SEMA3A: variants seen among roughly 807,000 people sequenced by gnomAD.
SEMA3A encodes the protein semaphorin-3A.
A neutral mutation model predicts 97.9 loss-of-function variants in SEMA3A; 29 were observed. The ratio of observed to expected loss-of-function variants is 0.30; its 90% CI spans 0.22 to 0.40. SEMA3A has a LOEUF of 0.40. Among genes scored for constraint, SEMA3A ranks in the 10% least tolerant of loss-of-function variants. The pLI is 1.00. For synonymous variants in SEMA3A, 321 were observed against 323.7 expected, an observed-to-expected ratio of 0.99 and a Z score of 0.09; for missense variants, 763 against 951.3, an observed-to-expected ratio of 0.80 and a Z score of 2.60.
In SEMA3A at chr7:84,079,931, T is replaced by C. The variant is rs1328923545; in HGVS notation, c.454-19373A>G. ...ATGTTTATTGGGGCACTATTCACAA[T>C]AGCAAAGACTTGGAACCAACCCAAA... On this transcript the variant is annotated intron_variant, in intron 4 of 16. Coordinates refer to ENST00000265362, the MANE Select transcript of SEMA3A (RefSeq NM_006080.3). 2.0e-5 allele frequency among the ~76,000 whole-genome samples: 3 copies of C among 147,462 alleles called. No homozygotes were observed. The East Asian group carries it at 5.9e-4, about 29-fold the overall frequency.
At chr7:84,135,043 G>A (rs1038363544) in intron 1 of SEMA3A, 92 bp from the exon 2 acceptor site, 1 of 924,450 alleles carries the variant, frequency 1.1e-6, no homozygotes, top group Non-Finnish European at 1.6e-6. Flanking sequence ...TATATTGACT[G>A]CTGTAGTTAT....
intron 3 of SEMA3A, among the ~76,000 whole-genome samples, chr7:84,266,458 T>A (rs1264450453): frequency 6.6e-6 from 1 of 151,570 alleles, no homozygotes; most frequent in Non-Finnish European, 1.5e-5. Context: ...TTTTTGTGGG[T>A]CTCTAACTAT....
intron 3 of SEMA3A, among the ~76,000 whole-genome samples, chr7:84,287,817 G>A (rs1290720583): frequency 1.3e-5 from 2 of 151,908 alleles, no homozygotes; most frequent in African/African-American, 2.4e-5. Flanking sequence ...GTACTTTTGT[G>A]GTTTGCATTA....
At chr7:84,051,431 T>A (rs1792647746) in intron 5 of SEMA3A, among the ~76,000 whole-genome samples, 1 of 152,220 alleles carries the variant, frequency 6.6e-6, no homozygotes, top group East Asian at 1.9e-4. Flanking sequence ...TTCACATCCC[T>A]TGTAAGTTGG....
At chr7:84,429,711 A>G (rs1415972336) in intron 1 of SEMA3A, among the ~76,000 whole-genome samples, 2 of 150,904 alleles carry the variant, frequency 1.3e-5, no homozygotes, top group Non-Finnish European at 3.0e-5. Flanking sequence ...GATAGAGGGC[A>G]GATCTCTTAT....
At chr7:84,377,914 T>A (rs771287849) in intron 1 of SEMA3A, among the ~76,000 whole-genome samples, 2 of 152,136 alleles carry the variant, frequency 1.3e-5, no homozygotes, top group Non-Finnish European at 2.9e-5. Context: ...CAGTTACTGC[T>A]GATCAAAATC....
chr7:83,990,375 A>C (rs58500640), intron 12 of SEMA3A, among the ~76,000 whole-genome samples: 15 of 151,498 alleles, frequency 9.9e-5, no homozygotes, highest in African/African-American at 2.9e-4. Flanking sequence ...TTGGTGTTTT[A>C]GACATGAAGT....
intron 3 of SEMA3A, among the ~76,000 whole-genome samples, chr7:84,218,981 A>G (rs1268373654): frequency 6.6e-6 from 1 of 152,162 alleles, no homozygotes; most frequent in Non-Finnish European, 1.5e-5. Flanking sequence ...TACAAAGGAA[A>G]TATTTCAAAA....
At chr7:84,205,244 CACTCTTT>C (rs1798461499) in intron 3 of SEMA3A, among the ~76,000 whole-genome samples, 1 of 152,174 alleles carries the variant, frequency 6.6e-6, no homozygotes, top group Non-Finnish European at 1.5e-5. Context: ...AGGTCAATAG[CACTCTTT>C]ACTATTTTAA....
At chr7:84,466,980 T>C (rs941694576) in intron 1 of SEMA3A, among the ~76,000 whole-genome samples, 3 of 152,200 alleles carry the variant, frequency 2.0e-5, no homozygotes, top group Non-Finnish European at 2.9e-5. Context: ...ACTGGATTAT[T>C]AGTGTTCAGA....
At chr7:84,434,067 T>C (rs1290089085) in intron 1 of SEMA3A, among the ~76,000 whole-genome samples, 1 of 152,190 alleles carries the variant, frequency 6.6e-6, no homozygotes, top group Non-Finnish European at 1.5e-5. Flanking sequence ...GCAGAAGATC[T>C]TTAGTTTAAT....
At chr7:84,265,730 T>C (rs1021576766) in intron 3 of SEMA3A, among the ~76,000 whole-genome samples, 1 of 151,912 alleles carries the variant, frequency 6.6e-6, no homozygotes, top group Non-Finnish European at 1.5e-5. Flanking sequence ...CCCAGCCTAG[T>C]AGACTAATCT....
At chr7:84,476,681 C>T (rs1035822577) in intron 1 of SEMA3A, among the ~76,000 whole-genome samples, 53 of 152,058 alleles carry the variant, frequency 3.5e-4, no homozygotes, top group African/African-American at 8.9e-4. Flanking sequence ...ATAATTAAAA[C>T]GGATAAATTA....
chr7:83,977,763 T>G (rs1274501925), intron 14 of SEMA3A, among the ~76,000 whole-genome samples: 1 of 151,646 alleles, frequency 6.6e-6, no homozygotes, highest in African/African-American at 2.4e-5. Context: ...AAAATTTCTT[T>G]TCTTGGTTAT....
At chr7:84,312,999 G>A (rs1370361852) in intron 2 of SEMA3A, among the ~76,000 whole-genome samples, 2 of 128,558 alleles carry the variant, frequency 1.6e-5, no homozygotes, top group Non-Finnish European at 3.2e-5. Context: ...TGTGTATATA[G>A]ATGTGTATGT....
At chr7:84,280,476 T>A (rs1355959224) in intron 3 of SEMA3A, among the ~76,000 whole-genome samples, 1 of 152,106 alleles carries the variant, frequency 6.6e-6, no homozygotes, top group Non-Finnish European at 1.5e-5. Context: ...ATTACATCTC[T>A]TTATTCTTTA....
At chr7:84,002,129 C>T in intron 11 of SEMA3A, 83 bp from the exon 12 acceptor site, 1 of 771,298 alleles carries the variant, frequency 1.3e-6, no homozygotes, top group Non-Finnish European at 2.1e-6. Context: ...ATGTATTTGT[C>T]AGACAAAGAA....
At chr7:84,326,174 G>A (rs145981932) in intron 2 of SEMA3A, among the ~76,000 whole-genome samples, 2,804 of 152,182 alleles carry the variant, frequency 0.018, 59 homozygotes, top group African/African-American at 0.057. Flanking sequence ...GGATTATAGA[G>A]CTGCCTGTGC....
At chr7:84,193,459 A>G (rs28633788) in intron 1 of SEMA3A, among the ~76,000 whole-genome samples, 1 of 152,040 alleles carries the variant, frequency 6.6e-6, no homozygotes, top group African/African-American at 2.4e-5. Context: ...CTCCACCCCC[A>G]ATTTTAGAAA....
Sources: gnomAD v4.1 joint callset for allele counts (sites outside exome capture counted in the v4.1 genomes callset) on GRCh38, gnomAD v4.1.1 for gene constraint, MANE v1.5 for transcripts, NCBI Gene and HGNC (gene_info 2026-07-23, HGNC 2026-07-21) for gene names.